Variants in KDM4C observed in about 807,000 individuals in gnomAD.
The protein encoded by KDM4C is lysine demethylase 4C.
A neutral mutation model predicts 129.3 loss-of-function variants in KDM4C; 81 were observed. The observed-to-expected ratio is 0.63, with a 90% CI of 0.52 to 0.75. The LOEUF is 0.75. KDM4C is among the 30% of genes least tolerant of loss of function. KDM4C has a pLI of 0.00. For synonymous variants in KDM4C, 573 were observed against 456.1 expected, an observed-to-expected ratio of 1.26 and a Z score of -3.26; for missense variants, 1,457 against 1,304.0, an observed-to-expected ratio of 1.12 and a Z score of -1.81.
At chr9:6,832,214 C>T (rs959578205) in intron 4 of KDM4C, among the ~76,000 whole-genome samples, 4 of 150,826 alleles carry the variant, frequency 2.7e-5, no homozygotes, top group Admixed American at 6.6e-5. Context: ...GTGGTGGGAG[C>T]CTGTAGTCCC....
At position 6,921,524 on chromosome 9, in the gene KDM4C, GC is replaced by G. The variant is rs1821506029; in HGVS notation, c.921+28295del. ...CTGTTGGCTCTAGAATCTCTGGGAT[GC>G]CCACTGCTCACCACACTCACCACTA... On this transcript the variant is annotated intron_variant, in intron 8 of 21. Coordinates refer to ENST00000381309, the MANE Select transcript of KDM4C (RefSeq NM_015061.6). Among the ~76,000 whole-genome samples the G allele has an allele frequency of 2.0e-5, 3 of 152,296 alleles. No homozygotes were observed. The South Asian group carries it at 6.2e-4, about 32-fold the overall frequency.
intron 8 of KDM4C, chr9:6,925,204 A>T: frequency 1.2e-5 from 12 of 985,428 alleles, no homozygotes; most frequent in Non-Finnish European, 1.4e-5. Context: ...ACTGTTGGCG[A>T]TACAGCTCAT....
chr9:7,114,210 A>C (rs1838648332), intron 18 of KDM4C, among the ~76,000 whole-genome samples: 1 of 152,080 alleles, frequency 6.6e-6, no homozygotes, highest in African/African-American at 2.4e-5. Context: ...AACATCTTGT[A>C]GTTTGGGAAG....
At chr9:7,122,255 A>C (rs1346467009) in intron 18 of KDM4C, among the ~76,000 whole-genome samples, 1 of 107,822 alleles carries the variant, frequency 9.3e-6, no homozygotes, top group Admixed American at 1.2e-4. Flanking sequence ...ACACACACAC[A>C]CACACACACA....
chr9:6,832,838 C>G (rs566861508), intron 4 of KDM4C, among the ~76,000 whole-genome samples: 35 of 151,206 alleles, frequency 2.3e-4, no homozygotes, highest in Admixed American at 1.9e-3. Flanking sequence ...AGGGATTCTC[C>G]TGCCTCAGAC....
chr9:7,161,011 G>A (rs57689330), intron 19 of KDM4C, among the ~76,000 whole-genome samples: 2,591 of 152,292 alleles, frequency 0.017, 64 homozygotes, highest in African/African-American at 0.059. Context: ...CAGCCGCTTT[G>A]TTTACCTACT....
At chr9:7,118,647 T>C (rs1049860171) in intron 18 of KDM4C, among the ~76,000 whole-genome samples, 1 of 152,218 alleles carries the variant, frequency 6.6e-6, no homozygotes. Context: ...GAAAGGGTCA[T>C]TGCGTACAAA....
chr9:6,721,237 C>CTT (rs35919506), intron 1 of KDM4C: 6 of 90,652 alleles, frequency 6.6e-5, no homozygotes, highest in Non-Finnish European at 1.1e-4. Flanking sequence ...CTATGCCTGG[C>CTT]TTTTTTTTTT....
chr9:7,165,058 T>A (rs1394128948), intron 19 of KDM4C, among the ~76,000 whole-genome samples, 180 bp from the exon 20 acceptor site: 1 of 152,178 alleles, frequency 6.6e-6, no homozygotes, highest in African/African-American at 2.4e-5. Flanking sequence ...TGATGTAGGC[T>A]GAATCTTTAA....
intron 8 of KDM4C, among the ~76,000 whole-genome samples, chr9:6,918,578 T>C (rs1820759111): frequency 6.6e-6 from 1 of 152,198 alleles, no homozygotes; most frequent in African/African-American, 2.4e-5. Flanking sequence ...TGTTTTAAGT[T>C]CTTAGAGAAA....
intron 18 of KDM4C, among the ~76,000 whole-genome samples, chr9:7,122,039 A>G (rs541975745): frequency 6.6e-6 from 1 of 151,816 alleles, no homozygotes; most frequent in East Asian, 1.9e-4. Context: ...GTGTTAGTCT[A>G]TTTTCGCATT....
intron 19 of KDM4C, among the ~76,000 whole-genome samples, chr9:7,138,275 C>T (rs952885898): frequency 6.6e-6 from 1 of 152,154 alleles, no homozygotes; most frequent in South Asian, 2.1e-4. Context: ...GTGTGTGTTT[C>T]TGCAAATCAA....
chr9:6,792,104 G>A (rs1826766149), intron 1 of KDM4C, among the ~76,000 whole-genome samples: 2 of 152,154 alleles, frequency 1.3e-5, no homozygotes, highest in African/African-American at 4.8e-5. Flanking sequence ...ACTTTGGGAG[G>A]CAGAGGCTGG....
intron 9 of KDM4C, among the ~76,000 whole-genome samples, chr9:6,983,543 C>A (rs542847505): frequency 6.9e-6 from 1 of 145,268 alleles, no homozygotes; most frequent in Non-Finnish European, 1.5e-5. Context: ...CTAGACCACC[C>A]GGGACAATAT....
intron 3 of KDM4C, among the ~76,000 whole-genome samples, chr9:6,807,362 G>T (rs1447901618): frequency 2.7e-5 from 4 of 147,112 alleles, no homozygotes; most frequent in African/African-American, 1.0e-4. Context: ...GATGTGAGGA[G>T]CCCCTCTGCC....
chr9:6,779,375 G>C (rs1823821635), intron 1 of KDM4C, among the ~76,000 whole-genome samples: 1 of 146,270 alleles, frequency 6.8e-6, no homozygotes, highest in African/African-American at 2.5e-5. Context: ...TAAGGAGAGA[G>C]TGGAAACCTG....
intron 11 of KDM4C, among the ~76,000 whole-genome samples, chr9:6,988,655 G>GCCATCCATCCAT (rs3072728): frequency 4.7e-5 from 7 of 149,244 alleles, no homozygotes; most frequent in African/African-American, 1.5e-4. Flanking sequence ...ATTTTTTAAA[G>GCCATCCATCCAT]CCATCCATCC....
chr9:6,725,958 G>A (rs1248133215), intron 1 of KDM4C, among the ~76,000 whole-genome samples: 2 of 141,118 alleles, frequency 1.4e-5, no homozygotes, highest in African/African-American at 5.3e-5. Context: ...ACAGAGTCTC[G>A]ATCTGTTGCC....
chr9:6,952,375 T>TAG (rs966668304), intron 8 of KDM4C, among the ~76,000 whole-genome samples: 7 of 150,406 alleles, frequency 4.7e-5, no homozygotes, highest in African/African-American at 1.7e-4. Flanking sequence ...GGCCAATACT[T>TAG]ACTGATATGG....
Sources: allele counts gnomAD v4.1 joint callset (sites outside exome capture counted in the v4.1 genomes callset), GRCh38; gene constraint gnomAD v4.1.1; transcripts MANE v1.5; gene names NCBI Gene and HGNC (gene_info 2026-07-23, HGNC 2026-07-21).